Variants in TNIK observed in about 807,000 individuals in gnomAD.
The protein encoded by TNIK is TRAF2 and NCK interacting kinase, also known as TRAF2 and NCK-interacting protein kinase.
TNIK carries 49 observed loss-of-function variants against 191.3 expected under a neutral mutation model. The observed-to-expected ratio is 0.26, with a 90% confidence interval of 0.20 to 0.32. The LOEUF (loss-of-function observed/expected upper bound fraction) is 0.32, where lower values mean the gene tolerates loss of function less well. Ranked by LOEUF, TNIK falls within the 10% of genes least tolerant of loss-of-function variation. The probability of loss-of-function intolerance (pLI) is 1.00; values close to 1 mark genes in which losing one functional copy is unlikely to be tolerated. For missense variants in TNIK, 1,155 were observed against 1,702.3 expected (o/e 0.68, Z 5.66); for synonymous variants, 594 against 600.9 (o/e 0.99, Z 0.17).
chr3:171,283,632 G>A (rs1750718260), intron 2 of TNIK, among the ~76,000 whole-genome samples: 1 of 152,216 alleles, frequency 6.6e-6, no homozygotes, highest in South Asian at 2.1e-4. Context: ...CATGTAGCCT[G>A]GAAGAAACCT....
chr3:171,340,029 CATG>C (rs1321145224), intron 2 of TNIK, among the ~76,000 whole-genome samples: 3 of 152,048 alleles, frequency 2.0e-5, no homozygotes, highest in Non-Finnish European at 4.4e-5. Flanking sequence ...AATTGGAATG[CATG>C]ATAAAACTGT....
At chr3:171,141,101 C>T (rs1157393334) in intron 12 of TNIK, among the ~76,000 whole-genome samples, 2 of 152,114 alleles carry the variant, frequency 1.3e-5, no homozygotes, top group Non-Finnish European at 2.9e-5. Flanking sequence ...AGTTCTTGCT[C>T]GAATAAGACC....
intron 2 of TNIK, among the ~76,000 whole-genome samples, chr3:171,250,229 G>A (rs1286402537): frequency 6.6e-6 from 1 of 152,164 alleles, no homozygotes; most frequent in Non-Finnish European, 1.5e-5. Flanking sequence ...TTGCTTTCTG[G>A]TAATGCCAGC....
At chr3:171,131,091 G>A (rs1414235841) in intron 15 of TNIK, among the ~76,000 whole-genome samples, 1 of 142,810 alleles carries the variant, frequency 7.0e-6, no homozygotes, top group Non-Finnish European at 1.5e-5. Context: ...AAATTAACAG[G>A]GCATTGGGAG....
At chr3:171,074,963 C>G (rs1342161239) in intron 28 of TNIK, among the ~76,000 whole-genome samples, 1 of 152,190 alleles carries the variant, frequency 6.6e-6, no homozygotes, top group Non-Finnish European at 1.5e-5. Context: ...GATCAGCCTA[C>G]TGATGTTAGG....
Position 171,084,143 on chromosome 3 carries a change from G to T in TNIK, c.3169+12C>A. ...TTATTTAAAAAAAAAAAAAAAAAAA[G>T]CACCAACATACCCCACAGAGCTGCA... On this transcript the variant is annotated intron_variant, in intron 26 of 32. Coordinates refer to ENST00000436636, the MANE Select transcript of TNIK (RefSeq NM_015028.4). The T allele has an allele frequency of 7.0e-7, 1 of 1,418,464 alleles. No individual in the cohort carries two copies. Among genetic ancestry groups the T allele is most frequent in the African/African-American group, 1.6e-5 (1 of 64,118 alleles). The allele number at this position is 1,418,464 out of a possible 1,614,324, so 87.9% of individuals were successfully genotyped here.
intron 2 of TNIK, among the ~76,000 whole-genome samples, chr3:171,281,977 G>A (rs904303182): frequency 5.9e-5 from 9 of 152,104 alleles, no homozygotes; most frequent in Non-Finnish European, 1.2e-4. Context: ...AAGAAATGAA[G>A]GTTGATTTTG....
intron 23 of TNIK, among the ~76,000 whole-genome samples, chr3:171,088,238 T>TTTTC (rs1195131560): frequency 7.5e-5 from 10 of 133,150 alleles, no homozygotes; most frequent in Admixed American, 2.3e-4. Flanking sequence ...AAGGTTTTTC[T>TTTTC]TTTTTTTTTT....
At chr3:171,152,649 CT>C (rs1267039081) in intron 12 of TNIK, among the ~76,000 whole-genome samples, 2 of 152,202 alleles carry the variant, frequency 1.3e-5, no homozygotes, top group Non-Finnish European at 2.9e-5. Context: ...AAGTTGACGT[CT>C]TTTCACTCCA....
intron 2 of TNIK, among the ~76,000 whole-genome samples, chr3:171,282,935 A>T (rs1053318283): frequency 1.3e-5 from 2 of 152,198 alleles, no homozygotes; most frequent in African/African-American, 4.8e-5. Context: ...AGAATGATGT[A>T]GGAGGGCTCC....
At chr3:171,220,866 C>G (rs1742222851) in intron 3 of TNIK, among the ~76,000 whole-genome samples, 1 of 152,166 alleles carries the variant, frequency 6.6e-6, no homozygotes, top group Admixed American at 6.5e-5. Flanking sequence ...GCCCCCAGGC[C>G]TATTTTTTGC....
chr3:171,216,344 TAGTC>T (rs1741450456), intron 3 of TNIK, among the ~76,000 whole-genome samples: 1 of 152,232 alleles, frequency 6.6e-6, no homozygotes, highest in Non-Finnish European at 1.5e-5. Context: ...CTTATACAAT[TAGTC>T]AATGACAAGA....
chr3:171,214,947 G>A (rs946268372), intron 3 of TNIK, among the ~76,000 whole-genome samples: 2 of 152,136 alleles, frequency 1.3e-5, no homozygotes, highest in African/African-American at 4.8e-5. Flanking sequence ...AGTGTTTGTG[G>A]TAGACTGAAA....
At chr3:171,361,452 C>A (rs1428891404) in intron 2 of TNIK, among the ~76,000 whole-genome samples, 1 of 152,176 alleles carries the variant, frequency 6.6e-6, no homozygotes, top group East Asian at 1.9e-4. Flanking sequence ...CACATGACAA[C>A]CATCTAATTC....
chr3:171,180,682 A>G (rs1308797760), intron 7 of TNIK, among the ~76,000 whole-genome samples: 1 of 152,220 alleles, frequency 6.6e-6, no homozygotes, highest in African/African-American at 2.4e-5. Context: ...AAATGAGGGA[A>G]CATGACTTAC....
At chr3:171,312,143 GGC>G (rs1754106086) in intron 2 of TNIK, among the ~76,000 whole-genome samples, 2 of 30,956 alleles carry the variant, frequency 6.5e-5, no homozygotes, top group African/African-American at 1.5e-4. Flanking sequence ...AAAAAAAAAG[GGC>G]TAGACTGGCA....
chr3:171,265,785 T>C (rs1247949587), intron 2 of TNIK, among the ~76,000 whole-genome samples: 1 of 152,224 alleles, frequency 6.6e-6, no homozygotes, highest in Non-Finnish European at 1.5e-5. Context: ...AAAAAGAGAC[T>C]GGACAGTGGT....
intron 2 of TNIK, among the ~76,000 whole-genome samples, chr3:171,286,670 T>C (rs565352737): frequency 2.0e-5 from 3 of 152,258 alleles, no homozygotes; most frequent in Non-Finnish European, 2.9e-5. Flanking sequence ...ACATTGTAAA[T>C]TGAAACATAA....
At chr3:171,158,712 T>C (rs6788393) in intron 11 of TNIK, among the ~76,000 whole-genome samples, 105,490 of 152,128 alleles carry the variant, frequency 0.69, 37,102 homozygotes, top group East Asian at 0.89. Context: ...GGGACACACA[T>C]ACAGACAAAT....
Sources: allele counts gnomAD v4.1 joint callset (sites outside exome capture counted in the v4.1 genomes callset), GRCh38; gene constraint gnomAD v4.1.1; transcripts MANE v1.5; gene names NCBI Gene and HGNC (gene_info 2026-07-23, HGNC 2026-07-21).